Variants in DYNC2H1 observed in about 807,000 individuals in gnomAD.
DYNC2H1 encodes the protein dynein cytoplasmic 2 heavy chain 1, also known as cytoplasmic dynein 2 heavy chain 1.
DYNC2H1 carries 410 observed loss-of-function variants against 570.0 expected under a neutral mutation model. That is an observed-to-expected ratio of 0.72 (90% CI 0.66 to 0.78). DYNC2H1 has a LOEUF of 0.78. Ranked by LOEUF, DYNC2H1 falls within the 30% of genes least tolerant of loss-of-function variation. The probability of loss-of-function intolerance (pLI) is 0.00; values close to 1 mark genes in which losing one functional copy is unlikely to be tolerated. For synonymous variants in DYNC2H1, 1,688 were observed against 1,677.6 expected (o/e 1.01, Z -0.15); for missense variants, 4,865 against 5,046.4 (o/e 0.96, Z 1.09).
At chr11:103,354,065 T>C (rs756423892) in intron 82 of DYNC2H1, among the ~76,000 whole-genome samples, 1 of 150,666 alleles carries the variant, frequency 6.6e-6, no homozygotes, top group Non-Finnish European at 1.5e-5. Context: ...TAATCCCAGC[T>C]ACTCGGGAGG....
chr11:103,236,284 C>T (rs553611852), intron 62 of DYNC2H1, 146 bp from the exon 63 acceptor site: 57 of 555,834 alleles, frequency 1.0e-4, no homozygotes, highest in African/African-American at 7.6e-4. Flanking sequence ...CTTTTTTCTC[C>T]GTGGGTTTGG....
At position 103,120,791 on chromosome 11, in the gene DYNC2H1, A is replaced by C; in HGVS notation, c.1237A>C (p.Ser413Arg). Reference protein sequence around the residue: ...LKNYISEIQDSPQQLLQAFLK... With the variant: ...LKNYISEIQDRPQQLLQAFLK... Reference sequence around the variant, plus strand: ...AAATTATATTTCAGAAATTCAAGACAGTCCACAGCAGGTAAAACATTGAGA... The same window carrying C: ...AAATTATATTTCAGAAATTCAAGACCGTCCACAGCAGGTAAAACATTGAGA... The change falls in exon 8 of 89, where the codon AGT (serine) becomes CGT (arginine). Residue 413 changes from serine (S) to arginine (R), a missense_variant. This residue lies in a region of DYNC2H1 where 1,936 missense variants were observed against 1,962.1 expected (regional missense o/e 0.99). Coordinates refer to ENST00000375735, the MANE Select transcript of DYNC2H1 (RefSeq NM_001377.3). The C allele has an allele frequency of 1.3e-6, 2 of 1,522,926 alleles. No homozygotes were observed. Among genetic ancestry groups the C allele is most frequent in the Non-Finnish European group, 1.8e-6 (2 of 1,133,292 alleles). The allele number at this position is 1,522,926 out of a possible 1,614,324, so 94.3% of individuals were successfully genotyped here.
intron 73 of DYNC2H1, 91 bp downstream of exon 73, chr11:103,283,176 G>A (rs2135344409): frequency 3.8e-6 from 4 of 1,047,872 alleles, no homozygotes; most frequent in East Asian, 2.7e-5. Context: ...CGTAATCAGT[G>A]TTAACATTTT....
chr11:103,128,769 A>G (rs1859122615), intron 12 of DYNC2H1, 141 bp from the exon 13 acceptor site: 1 of 624,142 alleles, frequency 1.6e-6, no homozygotes, highest in Non-Finnish European at 2.7e-6. Context: ...TACATGAACA[A>G]ATGCCCTATT....
intron 42 of DYNC2H1, among the ~76,000 whole-genome samples, 152 bp from the exon 43 acceptor site, chr11:103,187,188 T>C (rs901223887): frequency 1.3e-5 from 2 of 152,144 alleles, no homozygotes; most frequent in Non-Finnish European, 2.9e-5. Flanking sequence ...CTTTGATAGT[T>C]ATGGAAGCCA....
intron 84 of DYNC2H1, among the ~76,000 whole-genome samples, chr11:103,434,352 C>T (rs971843530): frequency 9.2e-5 from 14 of 151,890 alleles, no homozygotes; most frequent in African/African-American, 3.1e-4. Context: ...TTTGCATCAG[C>T]TGTGGGACAA....
intron 49 of DYNC2H1, 40 bp from the exon 50 acceptor site, chr11:103,200,006 A>C: frequency 1.5e-6 from 2 of 1,358,874 alleles, no homozygotes; most frequent in Non-Finnish European, 2.1e-6. Flanking sequence ...TGTACCAAAA[A>C]TACTTAAAGG....
In DYNC2H1 at chr11:103,324,474, C is replaced by T. The variant is rs1368752232; in HGVS notation, c.12039+484C>T. 6.6e-6 allele frequency among the ~76,000 whole-genome samples: 1 copy of T among 152,192 alleles called. No individual in the cohort carries two copies. The highest frequency in any genetic ancestry group is 2.4e-5 in the African/African-American group (1 of 41,436). ...TGCTTATGAAAATGATCTCCAGCTC[C>T]ATCCATCCTTGCTGTGAAGGACATG... On this transcript the variant is annotated intron_variant, in intron 82 of 88. Coordinates refer to ENST00000375735, the MANE Select transcript of DYNC2H1 (RefSeq NM_001377.3). This position sits in a 1 kb window ranked among gnomAD's most constrained non-coding sequence, Gnocchi z 5.2.
In DYNC2H1 at chr11:103,215,700, A is replaced by G. The variant is rs1315293512; in HGVS notation, c.8695-21A>G. 4.5e-6 allele frequency: 7 copies of G among 1,551,624 alleles called. No homozygotes were observed. In the African/African-American group the frequency reaches 5.5e-5, roughly 12 times the overall value. ...AAATTCCTTTTTTAAAATATTGCCG[A>G]TCAATATTTTATTGATGTAGGCTGG... is the stretch of plus-strand genomic sequence containing the variant. On this transcript the variant is annotated intron_variant, in intron 54 of 88. Transcript: ENST00000375735.
Position 103,243,063 on chromosome 11 carries a change from A to G in DYNC2H1, c.9820-630A>G, listed in dbSNP as rs2135223271. ...CTATAATGAATTTAGTTTTTAGTTC[A>G]TTTCATTAGATCTTAACCTACAGCC... On this transcript the variant is annotated intron_variant, in intron 63 of 88. Coordinates refer to ENST00000375735, the MANE Select transcript of DYNC2H1 (RefSeq NM_001377.3). The surrounding 1 kb of genome is among the most constrained non-coding windows in gnomAD (Gnocchi z 4.8). Among the ~76,000 whole-genome samples the G allele has an allele frequency of 1.3e-5, 2 of 152,118 alleles. No individual in the cohort carries two copies. Among genetic ancestry groups the G allele is most frequent in the African/African-American group, 4.8e-5 (2 of 41,494 alleles).
At chr11:103,195,546 A>C (rs1476148759) in intron 47 of DYNC2H1, among the ~76,000 whole-genome samples, 1 of 152,212 alleles carries the variant, frequency 6.6e-6, no homozygotes. Flanking sequence ...ATTAGCTACT[A>C]TATGAGTTGT....
At chr11:103,317,729 G>T (rs575756760) in intron 80 of DYNC2H1, among the ~76,000 whole-genome samples, 2 of 151,972 alleles carry the variant, frequency 1.3e-5, no homozygotes, top group Non-Finnish European at 2.9e-5. Flanking sequence ...TCTTCCTATT[G>T]TTCACTTCTC....
intron 28 of DYNC2H1, among the ~76,000 whole-genome samples, chr11:103,160,027 G>A (rs949582235): frequency 1.3e-5 from 2 of 152,036 alleles, no homozygotes; most frequent in Non-Finnish European, 2.9e-5. Context: ...CAATTCCTGT[G>A]TATCTGAAGC....
chr11:103,423,432 A>AGT (rs1943559243), intron 84 of DYNC2H1, among the ~76,000 whole-genome samples: 1 of 147,628 alleles, frequency 6.8e-6, no homozygotes, highest in Non-Finnish European at 1.5e-5. Context: ...AAAAAAAAAA[A>AGT]AAAAAACCCT....
At chr11:103,182,746 G>T (rs1383932559) in intron 40 of DYNC2H1, among the ~76,000 whole-genome samples, 2 of 151,914 alleles carry the variant, frequency 1.3e-5, no homozygotes, top group Admixed American at 6.6e-5. Flanking sequence ...CAAAATAGAG[G>T]ATATAAATAG....
In DYNC2H1 at chr11:103,199,782, A is replaced by C. The variant is rs903616632; in HGVS notation, c.8089-264A>C. ...TGGTAAACAGAAGGATGGAATTTAC[A>C]TAGGAAATATATGAGTAGAGATAAA... On this transcript the variant is annotated intron_variant, in intron 49 of 88. Coordinates refer to ENST00000375735, the MANE Select transcript of DYNC2H1 (RefSeq NM_001377.3). This position sits in a 1 kb window ranked among gnomAD's most constrained non-coding sequence, Gnocchi z 4.6. Among the ~76,000 whole-genome samples the C allele has an allele frequency of 2.0e-5, 3 of 152,194 alleles. No homozygotes were observed. Among genetic ancestry groups the C allele is most frequent in the Non-Finnish European group, 2.9e-5 (2 of 68,018 alleles).
chr11:103,203,684 C>T lies in DYNC2H1; in HGVS notation c.8219C>T (p.Thr2740Ile). Residue 2740 changes from threonine (T) to isoleucine (I), a missense_variant, in exon 51 of 89, where the codon ACT (threonine) becomes ATT (isoleucine). Thr to Ile is a moderately conservative substitution (Grantham distance 89). Around this residue, in one of 5 missense-constraint regions of DYNC2H1, gnomAD observed 2,401 missense variants for 2,454.6 expected, o/e 0.98. Coordinates refer to ENST00000375735, the MANE Select transcript of DYNC2H1 (RefSeq NM_001377.3). This position sits in a 1 kb window ranked among gnomAD's most constrained non-coding sequence, Gnocchi z 4.7. ...LSSGEVPGLYTLEELEPLLLP... is the reference protein window; with the variant it reads ...LSSGEVPGLYILEELEPLLLP... The stretch of plus-strand genomic sequence containing the variant: ...GTAGGTGAAGTTCCTGGACTCTATA[C>T]TCTTGAAGAATTAGAGCCCTTGCTG... 6.2e-7 allele frequency: 1 copy of T among 1,610,970 alleles called. No individual in the cohort carries two copies. Among genetic ancestry groups the T allele is most frequent in the Non-Finnish European group, 8.5e-7 (1 of 1,178,658 alleles).
chr11:103,308,642 CACCAACACTTTTCTTTG>C (rs773010877), intron 78 of DYNC2H1, among the ~76,000 whole-genome samples: 3 of 152,162 alleles, frequency 2.0e-5, no homozygotes, highest in Admixed American at 1.3e-4. Context: ...TCCACATCCT[CACCAACACTTTTCTTTG>C]AGTGTGTGTG....
Position 103,211,811 on chromosome 11 carries a change from AT to A in DYNC2H1, c.8567del (p.Leu2856TyrfsTer2). 7.1e-7 allele frequency: 1 copy of A among 1,411,710 alleles called. No homozygotes were observed. Among genetic ancestry groups the A allele is most frequent in the Non-Finnish European group, 9.3e-7 (1 of 1,071,160 alleles). 87.4% of individuals were successfully genotyped at this position (1,411,710 alleles called of 1,614,324 possible). A position where few individuals can be genotyped will look rare whatever the true frequency, so the allele number is the denominator to read the frequency against. On this transcript the variant is annotated frameshift_variant, in exon 54 of 89. Coordinates refer to ENST00000375735, the MANE Select transcript of DYNC2H1 (RefSeq NM_001377.3). LOFTEE classifies it high-confidence loss of function. ...NSVDPDFLKS[F>X]LLIHESCKAY... ...TAGTTGATCCTGATTTTCTAAAATC[AT>A]TTTTATTAATCCATGAATCTTGTAA...
Sources: gnomAD v4.1 joint callset for allele counts (sites outside exome capture counted in the v4.1 genomes callset) on GRCh38, gnomAD v4.1.1 for gene constraint, gnomAD v4.1.1 regional missense constraint, Gnocchi (gnomAD v3.1) non-coding constraint, MANE v1.5 for transcripts, NCBI Gene and HGNC (gene_info 2026-07-23, HGNC 2026-07-21) for gene names.